The following RTN1 variants were observed in gnomAD, a reference collection of about 807,000 sequenced individuals.
RTN1 encodes reticulon-1.
A neutral mutation model predicts 65.5 loss-of-function variants in RTN1; 25 were observed. The observed-to-expected ratio is 0.38, with a 90% CI of 0.28 to 0.53. The LOEUF (loss-of-function observed/expected upper bound fraction) is 0.53. Ranked by LOEUF, RTN1 falls within the 20% of genes least tolerant of loss-of-function variation. RTN1 has a pLI of 0.79. For missense variants in RTN1, 983 were observed against 1,025.4 expected (o/e 0.96, Z 0.57); for synonymous variants, 471 against 447.6 (o/e 1.05, Z -0.66).
Position 59,746,133 on chromosome 14 carries a change from A to G in RTN1, c.590T>C (p.Ile197Thr). ...DQMKAEAYKYIDITRPEEVKH... is the reference protein window; with the variant it reads ...DQMKAEAYKYTDITRPEEVKH... ...CACCTCCTCGGGTCTGGTTATGTCA[A>G]TGTATTTATAGGCCTCTGCTTTCAT... The change falls in exon 2 of 9, where the codon ATT becomes ACT. Residue 197 changes from isoleucine (I) to threonine (T), a missense_variant. Physicochemically the swap from Ile to Thr is moderately conservative, Grantham distance 89. Coordinates refer to ENST00000267484, the MANE Select transcript of RTN1 (RefSeq NM_021136.3). The G allele has an allele frequency of 1.9e-6, 3 of 1,610,114 alleles. No individual in the cohort carries two copies. The highest frequency in any genetic ancestry group is 2.2e-5 in the East Asian group (1 of 44,864).
intron 3 of RTN1, among the ~76,000 whole-genome samples, chr14:59,682,723 T>C (rs548519643): frequency 1.3e-5 from 2 of 152,254 alleles, no homozygotes; most frequent in Admixed American, 6.5e-5. Flanking sequence ...ACAGAGCACA[T>C]GGTTAAGCAT....
intron 1 of RTN1, among the ~76,000 whole-genome samples, chr14:59,817,620 C>T (rs1886846002): frequency 7.4e-6 from 1 of 134,972 alleles, no homozygotes; most frequent in Admixed American, 7.9e-5. Context: ...CTACACATTA[C>T]CTCCCTTTGA....
At chr14:59,777,798 A>AAAC (rs778447347) in intron 1 of RTN1, among the ~76,000 whole-genome samples, 71 of 150,070 alleles carry the variant, frequency 4.7e-4, no homozygotes, top group East Asian at 9.8e-4. Flanking sequence ...AGTCAAGACA[A>AAAC]AACAACAACA....
intron 1 of RTN1, among the ~76,000 whole-genome samples, chr14:59,807,205 T>C (rs73302064): frequency 0.034 from 5,132 of 152,224 alleles, 308 homozygotes; most frequent in African/African-American, 0.12. Context: ...TGAGGTGGCA[T>C]GTGGCTGCAG....
At chr14:59,630,341 T>A in intron 3 of RTN1, 1 of 1,427,154 alleles carries the variant, frequency 7.0e-7, no homozygotes, top group Middle Eastern at 1.8e-4. Flanking sequence ...CTCTGGGGTA[T>A]AAAGCATGCA....
At chr14:59,681,295 G>A (rs1883740675) in intron 3 of RTN1, among the ~76,000 whole-genome samples, 1 of 152,028 alleles carries the variant, frequency 6.6e-6, no homozygotes, top group African/African-American at 2.4e-5. Flanking sequence ...AAACAAGTCA[G>A]TTACTTTGCT....
At chr14:59,640,501 G>C (rs896496874) in intron 3 of RTN1, among the ~76,000 whole-genome samples, 1 of 152,042 alleles carries the variant, frequency 6.6e-6, no homozygotes, top group Non-Finnish European at 1.5e-5. Context: ...ATTTTTAGTA[G>C]AGATGGGGTT....
At chr14:59,821,353 G>A (rs546646908) in intron 1 of RTN1, among the ~76,000 whole-genome samples, 2 of 152,036 alleles carry the variant, frequency 1.3e-5, no homozygotes, top group African/African-American at 2.4e-5. Flanking sequence ...ATTTTTGTAC[G>A]TTGTTTCTAG....
intron 3 of RTN1, among the ~76,000 whole-genome samples, chr14:59,724,860 A>AC (rs1466721371): frequency 2.0e-5 from 3 of 152,134 alleles, no homozygotes; most frequent in African/African-American, 4.8e-5. Context: ...CCTGCTCAGG[A>AC]CCTCCAGTTC....
intron 4 of RTN1, among the ~76,000 whole-genome samples, chr14:59,606,586 C>T (rs1388787051): frequency 6.6e-6 from 1 of 152,170 alleles, no homozygotes; most frequent in East Asian, 1.9e-4. Flanking sequence ...CTGCTGGCAC[C>T]TTGATCTTGG....
chr14:59,811,279 A>C (rs1410310242), intron 1 of RTN1, among the ~76,000 whole-genome samples: 2 of 152,174 alleles, frequency 1.3e-5, no homozygotes, highest in Non-Finnish European at 2.9e-5. Flanking sequence ...CAAAGAAACT[A>C]TAGGTTGATG....
intron 1 of RTN1, among the ~76,000 whole-genome samples, chr14:59,777,828 A>AC (rs1566723773): frequency 1.7e-3 from 254 of 149,972 alleles, no homozygotes; most frequent in Middle Eastern, 0.01. Context: ...ACAACAAAAA[A>AC]AAAAAACAAA....
intron 1 of RTN1, among the ~76,000 whole-genome samples, chr14:59,757,676 G>A (rs758464201): frequency 6.6e-6 from 1 of 152,170 alleles, no homozygotes; most frequent in African/African-American, 2.4e-5. Context: ...TGAGGACGCA[G>A]AGAGGAGATG....
At chr14:59,796,600 A>G (rs995154665) in intron 1 of RTN1, among the ~76,000 whole-genome samples, 1 of 152,130 alleles carries the variant, frequency 6.6e-6, no homozygotes, top group Admixed American at 6.5e-5. Context: ...TGAACATTCT[A>G]TGCTGTCTCA....
chr14:59,763,534 T>C lies in RTN1; in HGVS notation c.242-17053A>G, dbSNP rs1052804469. On this transcript the variant is annotated intron_variant, in intron 1 of 8. Transcript: ENST00000267484. The stretch of plus-strand genomic sequence containing the variant: ...TAACAATAACACAATTTTCTTTCTT[T>C]TTTTTTTTTTTTTTTTGAGACAGAG... Among the ~76,000 whole-genome samples the C allele has an allele frequency of 5.7e-5, 3 of 52,956 alleles. No homozygotes were observed. In the South Asian group the frequency reaches 1.2e-3, roughly 22 times the overall value. The allele number at this position is 52,956 out of a possible 152,430, so 34.7% of individuals were successfully genotyped here. A position where few individuals can be genotyped will look rare whatever the true frequency, so the allele number is the denominator to read the frequency against.
At chr14:59,650,792 G>C (rs534377537) in intron 3 of RTN1, among the ~76,000 whole-genome samples, 205 of 152,292 alleles carry the variant, frequency 1.3e-3, no homozygotes, top group Non-Finnish European at 2.4e-3. Flanking sequence ...CCATGCTCAT[G>C]AATAGGAAGA....
chr14:59,713,070 G>A (rs1042848710), intron 3 of RTN1, among the ~76,000 whole-genome samples: 11 of 152,172 alleles, frequency 7.2e-5, no homozygotes, highest in Non-Finnish European at 1.0e-4. Context: ...ATCCAGTGAT[G>A]TAGGTACTAT....
intron 3 of RTN1, among the ~76,000 whole-genome samples, chr14:59,650,789 C>A (rs181356278): frequency 6.6e-6 from 1 of 152,200 alleles, no homozygotes; most frequent in African/African-American, 2.4e-5. Flanking sequence ...ATTCCATGCT[C>A]ATGAATAGGA....
intron 1 of RTN1, among the ~76,000 whole-genome samples, chr14:59,749,079 C>T (rs1039444572): frequency 1.1e-4 from 15 of 142,416 alleles, no homozygotes; most frequent in South Asian, 4.3e-4. Flanking sequence ...TGAGCCACCA[C>T]GCCGGGGCAT....
Sources: allele counts gnomAD v4.1 joint callset (sites outside exome capture counted in the v4.1 genomes callset), GRCh38; gene constraint gnomAD v4.1.1; transcripts MANE v1.5; gene names NCBI Gene and HGNC (gene_info 2026-07-23, HGNC 2026-07-21).